Variants in HSPA14 observed in about 807,000 individuals in gnomAD.
The protein encoded by HSPA14 is heat shock 70 kDa protein 14.
In HSPA14, 37 loss-of-function variants were observed where a neutral mutation model predicts 65.5. That is an observed-to-expected ratio of 0.56 (90% CI 0.43 to 0.74). The LOEUF is 0.74. Ranked by LOEUF, HSPA14 falls within the 30% of genes least tolerant of loss-of-function variation. HSPA14 has a pLI of 0.00. For synonymous variants in HSPA14, 203 were observed against 214.2 expected (o/e 0.95, Z 0.46); for missense variants, 564 against 607.6 (o/e 0.93, Z 0.75).
intron 3 of HSPA14, chr10:14,844,684 A>G: frequency 1.0e-6 from 1 of 974,608 alleles, no homozygotes; most frequent in Non-Finnish European, 1.2e-6. Flanking sequence ...TATATCGATA[A>G]TCTTCAATAT....
At chr10:14,848,532 T>G in intron 3 of HSPA14, 77 bp from the exon 4 acceptor site, 2 of 1,022,756 alleles carry the variant, frequency 2.0e-6, no homozygotes, top group South Asian at 2.9e-5. Flanking sequence ...TATTGTGAAA[T>G]ACAGTCTTCT....
intron 5 of HSPA14, 179 bp from the exon 6 acceptor site, chr10:14,849,542 A>T (rs1272228736): frequency 4.4e-6 from 3 of 689,472 alleles, no homozygotes; most frequent in Admixed American, 4.1e-5. Context: ...CACCAAAACC[A>T]CAAGAAGTGC....
At chr10:14,865,025 G>C (rs1193393619) in intron 10 of HSPA14, among the ~76,000 whole-genome samples, 1 of 152,194 alleles carries the variant, frequency 6.6e-6, no homozygotes, top group African/African-American at 2.4e-5. Context: ...TAACTGGTGT[G>C]AGATGGTATC....
intron 3 of HSPA14, chr10:14,846,067 T>C (rs1834047578): frequency 9.2e-6 from 9 of 978,062 alleles, no homozygotes; most frequent in Non-Finnish European, 1.1e-5. Context: ...TTCTGTGGTA[T>C]TAATATTTAT....
chr10:14,845,455 C>G (rs1306811889), intron 3 of HSPA14: 1 of 985,172 alleles, frequency 1.0e-6, no homozygotes, highest in Non-Finnish European at 1.2e-6. Flanking sequence ...AGACGGCAAG[C>G]GAGCTGCTCT....
intron 10 of HSPA14, among the ~76,000 whole-genome samples, chr10:14,863,462 T>C (rs1162216208): frequency 6.6e-6 from 1 of 152,174 alleles, no homozygotes; most frequent in Non-Finnish European, 1.5e-5. Flanking sequence ...GTCGTCTCTA[T>C]GGGGAATCAG....
At position 14,843,254 on chromosome 10, in the gene HSPA14, G is replaced by A. The variant is rs1833998330; in HGVS notation, c.221+3097G>A. ...AATGGATTCTTCCCAGTCCCTGGTGGAAAGAGGCTTTCCAGGAACAACCAT... is the reference window on the plus strand; with the variant it reads ...AATGGATTCTTCCCAGTCCCTGGTGAAAAGAGGCTTTCCAGGAACAACCAT... On this transcript the variant is annotated intron_variant, in intron 3 of 13. Transcript: ENST00000378372. The A allele has an allele frequency of 5.4e-6, 7 of 1,299,108 alleles. No homozygotes were observed. The South Asian group carries it at 8.1e-5, about 15-fold the overall frequency. 80.5% of individuals were successfully genotyped at this position (1,299,108 alleles called of 1,614,324 possible).
intron 3 of HSPA14, among the ~76,000 whole-genome samples, chr10:14,841,461 AAC>A (rs1564318925): frequency 6.6e-6 from 1 of 152,182 alleles, no homozygotes; most frequent in Admixed American, 6.5e-5. Flanking sequence ...AGAGACATCA[AAC>A]ACATTGCTGG....
chr10:14,865,416 G>A (rs1427180401), intron 10 of HSPA14, among the ~76,000 whole-genome samples: 18 of 151,928 alleles, frequency 1.2e-4, no homozygotes, highest in African/African-American at 4.4e-4. Context: ...GTCCTGAATG[G>A]TATTGCCTAG....
chr10:14,860,397 A>G (rs1482311015), intron 10 of HSPA14, among the ~76,000 whole-genome samples: 1 of 152,216 alleles, frequency 6.6e-6, no homozygotes, highest in Non-Finnish European at 1.5e-5. Context: ...GTAATATGAA[A>G]CAGATAAAAT....
At chr10:14,861,589 G>C (rs1832750502) in intron 10 of HSPA14, among the ~76,000 whole-genome samples, 1 of 152,172 alleles carries the variant, frequency 6.6e-6, no homozygotes. Flanking sequence ...AGGATTACAG[G>C]CATGAGCCAC....
At chr10:14,871,407 C>A (rs144231954) in intron 13 of HSPA14, 121 bp from the exon 14 acceptor site, 2 of 636,460 alleles carry the variant, frequency 3.1e-6, no homozygotes, top group African/African-American at 1.9e-5. Context: ...TACATTAATA[C>A]CCTTCTTTTG....
chr10:14,867,984 AC>A (rs1218172448), intron 12 of HSPA14, 75 bp downstream of exon 12: 36 of 1,183,494 alleles, frequency 3.0e-5, no homozygotes, highest in Non-Finnish European at 4.1e-5. Flanking sequence ...ATATCTTAAT[AC>A]AAAATGTGTA....
chr10:14,859,893 A>C (rs1202723722), intron 10 of HSPA14, among the ~76,000 whole-genome samples: 1 of 151,992 alleles, frequency 6.6e-6, no homozygotes, highest in Non-Finnish European at 1.5e-5. Context: ...CTTTAGAATT[A>C]TTTTTTTCAA....
intron 11 of HSPA14, 65 bp downstream of exon 11, chr10:14,867,360 G>A: frequency 8.8e-7 from 1 of 1,140,286 alleles, no homozygotes; most frequent in Non-Finnish European, 1.3e-6. Context: ...CATAAAAATA[G>A]TAAATTAATT....
intron 12 of HSPA14, among the ~76,000 whole-genome samples, chr10:14,868,456 G>A (rs1004717578): frequency 5.3e-5 from 8 of 152,070 alleles, no homozygotes; most frequent in African/African-American, 1.7e-4. Flanking sequence ...GTGAAGTAGA[G>A]CCACGTTATT....
At chr10:14,868,622 G>A (rs1832827422) in intron 12 of HSPA14, among the ~76,000 whole-genome samples, 1 of 151,930 alleles carries the variant, frequency 6.6e-6, no homozygotes. Context: ...TTTGAGTAGG[G>A]GTGCATTTTC....
chr10:14,860,495 C>G (rs1174324541), intron 10 of HSPA14, among the ~76,000 whole-genome samples: 1 of 152,086 alleles, frequency 6.6e-6, no homozygotes, highest in African/African-American at 2.4e-5. Context: ...AGGTCAGAGT[C>G]CCCTCTGAGG....
At chr10:14,843,451 A>T (rs1238275254) in intron 3 of HSPA14, 2 of 1,550,676 alleles carry the variant, frequency 1.3e-6, no homozygotes, top group Non-Finnish European at 1.7e-6. Context: ...GAGCAGCCCC[A>T]TGGCCAGACT....
Sources: allele counts gnomAD v4.1 joint callset (sites outside exome capture counted in the v4.1 genomes callset), GRCh38; gene constraint gnomAD v4.1.1; transcripts MANE v1.5; gene names NCBI Gene and HGNC (gene_info 2026-07-23, HGNC 2026-07-21).